The following CHST8 variants were observed in gnomAD, a reference collection of about 807,000 sequenced individuals.
CHST8 encodes GALNAC-4-ST1.
CHST8 carries 10 observed loss-of-function variants against 15.0 expected under a neutral mutation model. That is an observed-to-expected ratio of 0.67 (90% confidence interval 0.41 to 1.13). The LOEUF (loss-of-function observed/expected upper bound fraction) is 1.13. Among genes scored for constraint, CHST8 ranks in the 50% most tolerant of loss-of-function variants. The pLI is 0.00. For synonymous variants in CHST8, 259 were observed against 256.6 expected (o/e 1.01, Z -0.09); for missense variants, 634 against 608.2 (o/e 1.04, Z -0.45).
rs908970925 is a variant in CHST8, at chr19:33,701,659, G to A, written c.130+12268G>A. On this transcript the variant is annotated intron_variant, in intron 3 of 4. Transcript: ENST00000650847. Reference sequence around the variant, plus strand: ...ATGGACAAAAGTGGCTTTGAAAACCGCAGAGCTCCAACGCACGTGTATGAT... The same window carrying A: ...ATGGACAAAAGTGGCTTTGAAAACCACAGAGCTCCAACGCACGTGTATGAT... Among the ~76,000 whole-genome samples the A allele has an allele frequency of 1.3e-4, 18 of 143,972 alleles. No individual in the cohort carries two copies. In the South Asian group the frequency reaches 2.6e-3, roughly 21 times the overall value. The allele number at this position is 143,972 out of a possible 152,430, so 94.5% of individuals were successfully genotyped here.
chr19:33,679,053 C>A (rs1972849816), intron 2 of CHST8, among the ~76,000 whole-genome samples: 1 of 152,250 alleles, frequency 6.6e-6, no homozygotes, highest in African/African-American at 2.4e-5. Flanking sequence ...GAGAGAGATT[C>A]CCTGGAAGGC....
chr19:33,752,425 A>G (rs974198518), intron 3 of CHST8, among the ~76,000 whole-genome samples: 9 of 148,530 alleles, frequency 6.1e-5, no homozygotes, highest in Non-Finnish European at 1.2e-4. Flanking sequence ...AGATTCCTTT[A>G]TCTCTTGTTG....
chr19:33,700,140 C>T (rs889937933), intron 3 of CHST8, among the ~76,000 whole-genome samples: 9 of 152,264 alleles, frequency 5.9e-5, no homozygotes, highest in Admixed American at 1.3e-4. Context: ...TCCATGGAGC[C>T]GGCTGCTTTC....
At chr19:33,677,226 T>C (rs1268621329) in intron 2 of CHST8, among the ~76,000 whole-genome samples, 1 of 152,156 alleles carries the variant, frequency 6.6e-6, no homozygotes, top group Non-Finnish European at 1.5e-5. Flanking sequence ...ATGCTCCCAG[T>C]TAGCCGAGTG....
Position 33,756,938 on chromosome 19 carries a change from A to G in CHST8, c.131-14475A>G, listed in dbSNP as rs140536382. Among the ~76,000 whole-genome samples the G allele has an allele frequency of 5.3e-3, 804 of 152,216 alleles. 4 individuals are homozygous for G. Among genetic ancestry groups the G allele is most frequent in the African/African-American group, 0.011 (447 of 41,536 alleles). On this transcript the variant is annotated intron_variant, in intron 3 of 4. Transcript: ENST00000650847. ...CCTGTGGTTTAGGTGTGAGTGTGGT[A>G]TGGGGGTGTGGAGGCAGCCCCGTCT...
intron 3 of CHST8, among the ~76,000 whole-genome samples, chr19:33,694,420 C>A (rs975972977): frequency 8.6e-5 from 13 of 151,326 alleles, no homozygotes; most frequent in African/African-American, 3.2e-4. Context: ...GCAAAGATCC[C>A]CCTCAGGGAC....
At chr19:33,752,994 T>C (rs916906316) in intron 3 of CHST8, among the ~76,000 whole-genome samples, 7 of 152,288 alleles carry the variant, frequency 4.6e-5, no homozygotes, top group African/African-American at 1.2e-4. Flanking sequence ...GAGATTGCTT[T>C]CAGCGTTCGG....
At chr19:33,659,462 A>G (rs1007426784) in intron 1 of CHST8, among the ~76,000 whole-genome samples, 3 of 152,132 alleles carry the variant, frequency 2.0e-5, no homozygotes, top group African/African-American at 7.2e-5. Flanking sequence ...TGCTGAGCAC[A>G]AAAATGTGAG....
intron 3 of CHST8, among the ~76,000 whole-genome samples, chr19:33,690,014 T>C (rs1476567342): frequency 1.3e-5 from 2 of 151,782 alleles, no homozygotes; most frequent in Non-Finnish European, 2.9e-5. Flanking sequence ...AGACGGAGTG[T>C]GGAGAGGGAG....
chr19:33,704,993 T>C (rs1264365936), intron 3 of CHST8, among the ~76,000 whole-genome samples: 1 of 151,988 alleles, frequency 6.6e-6, no homozygotes, highest in African/African-American at 2.4e-5. Flanking sequence ...TAATTTGGAA[T>C]GTGTTTTTTA....
chr19:33,757,605 A>AAAGAAAGAAAGG lies in CHST8; in HGVS notation c.131-13808_131-13807insAAGAAAGAAAGG, dbSNP rs1365725815. The stretch of plus-strand genomic sequence containing the variant: ...GAAAGAAAGAAAGAAAGAAAGAAAG[A>AAAGAAAGAAAGG]GCCGGCCATTCAGAAGGGAGCAGAA... On this transcript the variant is annotated intron_variant, in intron 3 of 4. Coordinates refer to ENST00000650847, the MANE Select transcript of CHST8 (RefSeq NM_001127895.2). Among the ~76,000 whole-genome samples, 243 of 112,964 alleles carry AAAGAAAGAAAGG rather than the reference A, an allele frequency of 2.2e-3. 53 individuals are homozygous for AAAGAAAGAAAGG. Among genetic ancestry groups the AAAGAAAGAAAGG allele is most frequent in the African/African-American group, 8.5e-3 (234 of 27,452 alleles). 74.1% of individuals were successfully genotyped at this position (112,964 alleles called of 152,430 possible). A position where few individuals can be genotyped will look rare whatever the true frequency, so the allele number is the denominator to read the frequency against.
Position 33,772,076 on chromosome 19 carries a change from A to T in CHST8, c.288A>T (p.Gln96His). 6.2e-7 allele frequency: 1 copy of T among 1,612,062 alleles called. No individual in the cohort carries two copies. The change falls in exon 5 of 5, where the codon CAA becomes CAT. Residue 96 changes from glutamine (Q) to histidine (H), a missense_variant. Coordinates refer to ENST00000650847, the MANE Select transcript of CHST8 (RefSeq NM_001127895.2). ...GRNLPAPDQP[Q>H]PPLQRGTRLR... ...ACCTGCCAGCGCCTGACCAGCCTCA[A>T]CCCCCGCTGCAGAGGGGAACCCGTC...
At chr19:33,704,230 A>G (rs992572282) in intron 3 of CHST8, among the ~76,000 whole-genome samples, 3 of 152,162 alleles carry the variant, frequency 2.0e-5, no homozygotes, top group Non-Finnish European at 4.4e-5. Context: ...AAGGTGCTTC[A>G]CCATGGGAAG....
At chr19:33,701,682 G>T (rs556431704) in intron 3 of CHST8, among the ~76,000 whole-genome samples, 192 of 152,324 alleles carry the variant, frequency 1.3e-3, no homozygotes, top group African/African-American at 4.4e-3. Context: ...GCACGTGTAT[G>T]ATGGTAATTT....
intron 1 of CHST8, among the ~76,000 whole-genome samples, chr19:33,638,602 T>C (rs1289541379): frequency 1.3e-5 from 2 of 152,204 alleles, no homozygotes; most frequent in African/African-American, 4.8e-5. Context: ...TGAGTTGTCA[T>C]GAAAAGCCAA....
chr19:33,663,832 C>T (rs1378825841), intron 1 of CHST8, among the ~76,000 whole-genome samples: 3 of 151,934 alleles, frequency 2.0e-5, no homozygotes, highest in Non-Finnish European at 4.4e-5. Flanking sequence ...ATCCTGCCAC[C>T]GCACTCCAGC....
chr19:33,754,645 T>A (rs1332413885), intron 3 of CHST8, among the ~76,000 whole-genome samples: 1 of 152,180 alleles, frequency 6.6e-6, no homozygotes, highest in African/African-American at 2.4e-5. Context: ...GCCCCTCAAG[T>A]GTTTGCCCAC....
At chr19:33,748,873 G>A (rs1434406224) in intron 3 of CHST8, among the ~76,000 whole-genome samples, 2 of 152,190 alleles carry the variant, frequency 1.3e-5, no homozygotes, top group Admixed American at 6.5e-5. Context: ...GGATAAGTGT[G>A]TGACAGGCCT....
intron 2 of CHST8, among the ~76,000 whole-genome samples, chr19:33,670,781 G>A (rs77742296): frequency 0.013 from 1,926 of 152,254 alleles, 38 homozygotes; most frequent in African/African-American, 0.044. Flanking sequence ...ATGTCGGGGG[G>A]CTCTGTTCAT....
Sources: allele counts gnomAD v4.1 joint callset (sites outside exome capture counted in the v4.1 genomes callset), GRCh38; gene constraint gnomAD v4.1.1; transcripts MANE v1.5; gene names NCBI Gene and HGNC (gene_info 2026-07-23, HGNC 2026-07-21).